Variants in SYNPO2 observed in about 807,000 individuals in gnomAD.
SYNPO2 encodes the protein synaptopodin 2.
SYNPO2 carries 56 observed loss-of-function variants against 85.0 expected under a neutral mutation model. The observed-to-expected ratio is 0.66, with a 90% CI of 0.53 to 0.82. The LOEUF (loss-of-function observed/expected upper bound fraction) is 0.82, where lower values mean the gene tolerates loss of function less well. Among genes scored for constraint, SYNPO2 ranks in the 40% least tolerant of loss-of-function variants. The pLI is 0.00. For synonymous variants in SYNPO2, 602 were observed against 591.1 expected (o/e 1.02, Z -0.27); for missense variants, 1,575 against 1,534.2 (o/e 1.03, Z -0.44).
At chr4:118,885,053 T>C (rs1398573473), upstream of SYNPO2, among the ~76,000 whole-genome samples, 3 of 152,218 alleles carry the variant, frequency 2.0e-5, no homozygotes, top group Non-Finnish European at 4.4e-5. Flanking sequence ...GATTTATGTG[T>C]GGACAAGGAC....
chr4:118,937,609 G>A (rs9884854), intron 1 of SYNPO2, among the ~76,000 whole-genome samples: 4,130 of 152,168 alleles, frequency 0.027, 186 homozygotes, highest in African/African-American at 0.093. Flanking sequence ...GCCTGGGTTT[G>A]AATCCTTGTG....
At position 119,026,623 on chromosome 4, in the gene SYNPO2, G is replaced by A; in HGVS notation, c.258-4G>A. ...AGTGTCTGGAATGATTTTTCTGTGT[G>A]CAGACCATCCAGTGGAATAAGTGAG... On this transcript the variant is annotated splice_polypyrimidine_tract_variant and splice_region_variant and intron_variant, in intron 2 of 4. Transcript: ENST00000307142. The A allele has an allele frequency of 6.3e-7, 1 of 1,588,960 alleles. No individual in the cohort carries two copies. The highest frequency in any genetic ancestry group is 1.2e-5 in the South Asian group (1 of 85,944).
At chr4:118,865,423 G>A (rs973728793) in intron 1 of SYNPO2, among the ~76,000 whole-genome samples, 1 of 152,232 alleles carries the variant, frequency 6.6e-6, no homozygotes, top group Non-Finnish European at 1.5e-5. Flanking sequence ...AAACAGACAC[G>A]TTTGATAATT....
chr4:119,036,483 A>G, intron 4 of SYNPO2: 1 of 985,434 alleles, frequency 1.0e-6, no homozygotes, highest in Non-Finnish European at 1.2e-6. Flanking sequence ...GCAGAATTGA[A>G]TTCTTCTCTA....
chr4:118,948,404 A>T (rs1243699786), intron 1 of SYNPO2, among the ~76,000 whole-genome samples: 1 of 152,246 alleles, frequency 6.6e-6, no homozygotes, highest in Non-Finnish European at 1.5e-5. Flanking sequence ...GAAAGAATCA[A>T]TGCCTATCAA....
rs1204371454 is a variant in SYNPO2, at chr4:119,027,307, A to C, written c.938A>C (p.Glu313Ala). 6.2e-7 allele frequency: 1 copy of C among 1,613,888 alleles called. No homozygotes were observed. Among genetic ancestry groups the C allele is most frequent in the Non-Finnish European group, 8.5e-7 (1 of 1,180,022 alleles). ...AAGGAGTGTGTGGATTCTCCAGTGG[A>C]AGGAGGGCAGTCAGAAGCACCTCCT... is the stretch of plus-strand genomic sequence containing the variant. ...AGKECVDSPVEGGQSEAPPSL... is the reference protein window; with the variant it reads ...AGKECVDSPVAGGQSEAPPSL... Residue 313 changes from glutamate (E) to alanine (A), a missense_variant, in exon 3 of 5, where the codon GAA becomes GCA. Physicochemically the swap from Glu to Ala is moderately radical, Grantham distance 107. Transcript: ENST00000307142.
At chr4:119,019,496 T>G (rs1185312698) in intron 1 of SYNPO2, among the ~76,000 whole-genome samples, 1 of 152,194 alleles carries the variant, frequency 6.6e-6, no homozygotes, top group Non-Finnish European at 1.5e-5. Flanking sequence ...AATTTTGAAC[T>G]TATAACACAT....
At chr4:119,044,807 A>G (rs909057401) in intron 4 of SYNPO2, among the ~76,000 whole-genome samples, 2 of 152,252 alleles carry the variant, frequency 1.3e-5, no homozygotes, top group African/African-American at 4.8e-5. Flanking sequence ...AACATAGTGG[A>G]CAGAAAAGCA....
At chr4:118,886,720 G>T (rs1026307098), upstream of SYNPO2, among the ~76,000 whole-genome samples, 2 of 152,164 alleles carry the variant, frequency 1.3e-5, no homozygotes, top group African/African-American at 4.8e-5. Flanking sequence ...CATATTTTAT[G>T]ATGTCTCTTG....
intron 4 of SYNPO2, chr4:119,035,764 A>T: frequency 2.0e-6 from 2 of 983,440 alleles, no homozygotes; most frequent in Non-Finnish European, 1.2e-6. Flanking sequence ...GACAGCTGAG[A>T]ATTATCACAT....
At chr4:118,893,334 C>T (rs1021524532) in intron 1 of SYNPO2, among the ~76,000 whole-genome samples, 2 of 152,142 alleles carry the variant, frequency 1.3e-5, no homozygotes, top group African/African-American at 2.4e-5. Context: ...ATTAGCTGGA[C>T]GTAGCACATA....
intron 1 of SYNPO2, among the ~76,000 whole-genome samples, chr4:118,867,578 A>G (rs533083833): frequency 1.3e-5 from 2 of 152,144 alleles, no homozygotes; most frequent in African/African-American, 4.8e-5. Context: ...ATGCTTCGGT[A>G]CAAATCAGTC....
intron 1 of SYNPO2, among the ~76,000 whole-genome samples, chr4:118,981,351 G>C (rs570510254): frequency 6.6e-6 from 1 of 152,152 alleles, no homozygotes; most frequent in Non-Finnish European, 1.5e-5. Context: ...AACAACCAGA[G>C]AAGTTAATCA....
chr4:119,027,971 C>T (rs1322735108), intron 3 of SYNPO2, among the ~76,000 whole-genome samples: 2 of 152,188 alleles, frequency 1.3e-5, no homozygotes, highest in East Asian at 3.9e-4. Context: ...TGAGCAGTTA[C>T]ATGATCCTCT....
At chr4:118,864,059 A>T (rs543600602) in intron 1 of SYNPO2, among the ~76,000 whole-genome samples, 2 of 151,854 alleles carry the variant, frequency 1.3e-5, no homozygotes, top group African/African-American at 4.8e-5. Context: ...GTTTATTTGA[A>T]GTTTTTCTTC....
intron 1 of SYNPO2, among the ~76,000 whole-genome samples, chr4:118,947,755 T>G (rs2149140912): frequency 6.6e-6 from 1 of 152,376 alleles, no homozygotes; most frequent in Non-Finnish European, 1.5e-5. Context: ...TTCTGGCATA[T>G]GCTTTCATAG....
At chr4:118,935,870 A>G (rs988303722) in intron 1 of SYNPO2, among the ~76,000 whole-genome samples, 1 of 152,238 alleles carries the variant, frequency 6.6e-6, no homozygotes, top group Non-Finnish European at 1.5e-5. Flanking sequence ...GAATCATTAC[A>G]AAGGTTTTCA....
chr4:119,038,125 A>G, intron 4 of SYNPO2: 4 of 985,144 alleles, frequency 4.1e-6, no homozygotes, highest in Non-Finnish European at 4.8e-6. Flanking sequence ...TGCTCTCCCT[A>G]CAGTACCACA....
At chr4:118,872,920 A>C (rs1731829818) in intron 1 of SYNPO2, among the ~76,000 whole-genome samples, 1 of 152,156 alleles carries the variant, frequency 6.6e-6, no homozygotes, top group Admixed American at 6.5e-5. Flanking sequence ...GAGAACATGC[A>C]GTATTTGTCT....
Sources: gnomAD v4.1 joint callset for allele counts (sites outside exome capture counted in the v4.1 genomes callset) on GRCh38, gnomAD v4.1.1 for gene constraint, MANE v1.5 for transcripts, NCBI Gene and HGNC (gene_info 2026-07-23, HGNC 2026-07-21) for gene names.